The following SRSF11 variants were observed in gnomAD, a reference collection of about 807,000 sequenced individuals.
The protein encoded by SRSF11 is serine/arginine-rich splicing factor 11.
A neutral mutation model predicts 56.0 loss-of-function variants in SRSF11; 9 were observed. That is an observed-to-expected ratio of 0.16 (90% CI 0.10 to 0.28). The LOEUF is 0.28. Among genes scored for constraint, SRSF11 ranks in the 10% least tolerant of loss-of-function variants. The pLI is 1.00. For synonymous variants in SRSF11, 222 were observed against 215.3 expected (o/e 1.03, Z -0.27); for missense variants, 421 against 600.7 (o/e 0.70, Z 3.13).
chr1:70,228,670 C>G, intron 2 of SRSF11, 115 bp downstream of exon 2: 1 of 1,381,710 alleles, frequency 7.2e-7, no homozygotes, highest in Admixed American at 2.8e-5. Context: ...TTTTTAAACC[C>G]TTGTTATACT....
upstream of SRSF11, among the ~76,000 whole-genome samples, chr1:70,220,535 CTG>C (rs1191449557): frequency 6.6e-6 from 1 of 152,136 alleles, no homozygotes; most frequent in Non-Finnish European, 1.5e-5. Context: ...GTACTATAAA[CTG>C]TGTTTCCAAA....
intron 5 of SRSF11, among the ~76,000 whole-genome samples, chr1:70,236,874 G>A (rs1260960669): frequency 7.7e-6 from 1 of 129,640 alleles, no homozygotes; most frequent in Non-Finnish European, 1.5e-5. Context: ...CGCGATGTCT[G>A]CCTCCCGGGT....
intron 9 of SRSF11, among the ~76,000 whole-genome samples, chr1:70,248,125 T>G (rs557333739): frequency 3.9e-5 from 6 of 152,246 alleles, no homozygotes; most frequent in African/African-American, 1.2e-4. Context: ...GTCTGGCATT[T>G]CCTAAAAATG....
chr1:70,250,340 GCTGTACATTTTA>G lies in SRSF11; in HGVS notation c.1119-20_1119-9del, dbSNP rs765354593. ...ATCATCTAAACAAGTTAAACCTGTT[GCTGTACATTTTA>G]CTGTCATTCTAGACATAAAAAGGAG... On this transcript the variant is annotated splice_polypyrimidine_tract_variant and intron_variant, in intron 10 of 11. Coordinates refer to ENST00000370949, the MANE Select transcript of SRSF11 (RefSeq NM_001350605.2). 118 of 1,608,736 alleles carry G rather than the reference GCTGTACATTTTA, an allele frequency of 7.3e-5. No individual in the cohort carries two copies. Among genetic ancestry groups the G allele is most frequent in the Non-Finnish European group, 9.7e-5 (114 of 1,178,640 alleles).
chr1:70,217,987 G>GT (rs1159646825), upstream of SRSF11, among the ~76,000 whole-genome samples: 1 of 145,376 alleles, frequency 6.9e-6, no homozygotes, highest in Non-Finnish European at 1.5e-5. Context: ...TTTTGTGTGT[G>GT]TTTTTTGTTT....
At chr1:70,247,752 A>G (rs943697695) in intron 9 of SRSF11, among the ~76,000 whole-genome samples, 1 of 152,130 alleles carries the variant, frequency 6.6e-6, no homozygotes, top group Non-Finnish European at 1.5e-5. Flanking sequence ...ACTATCAAGA[A>G]AGTAAAAACC....
chr1:70,245,920 A>T (rs565329018), intron 8 of SRSF11, among the ~76,000 whole-genome samples: 63 of 152,276 alleles, frequency 4.1e-4, no homozygotes, highest in African/African-American at 1.5e-3. Flanking sequence ...GGAAGGCATG[A>T]CTGGGACCTA....
At chr1:70,245,490 T>G (rs1457308065) in intron 8 of SRSF11, among the ~76,000 whole-genome samples, 1 of 152,210 alleles carries the variant, frequency 6.6e-6, no homozygotes, top group Non-Finnish European at 1.5e-5. Context: ...ACAAGGTAGA[T>G]TAATAGAACA....
At chr1:70,246,048 G>A (rs1368085240) in intron 8 of SRSF11, among the ~76,000 whole-genome samples, 1 of 152,062 alleles carries the variant, frequency 6.6e-6, no homozygotes, top group Non-Finnish European at 1.5e-5. Flanking sequence ...GGAAAAAAAT[G>A]AAATTGAGAA....
intron 1 of SRSF11, among the ~76,000 whole-genome samples, chr1:70,215,367 C>T (rs1669918668): frequency 6.6e-6 from 1 of 152,190 alleles, no homozygotes. Flanking sequence ...ATTCACAAAG[C>T]CTTTGCTGCA....
At position 70,251,943 on chromosome 1, in the gene SRSF11, T is replaced by C. The variant is rs557468080; in HGVS notation, c.*1138T>C. 1 of 152,746 alleles carries C rather than the reference T, an allele frequency of 6.5e-6. No individual in the cohort carries two copies. The highest frequency in any genetic ancestry group is 6.5e-5 in the Admixed American group (1 of 15,308). The allele number at this position is 152,746 out of a possible 1,614,324, so 9.5% of individuals were successfully genotyped here. A position where few individuals can be genotyped will look rare whatever the true frequency, so the allele number is the denominator to read the frequency against. ...AAAGTAGGCTACAGTCTGTGCCATG[T>C]TGATGTACAGTTTCTGAAATTGTTT... On this transcript the variant is annotated 3_prime_UTR_variant, in exon 12 of 12. Coordinates refer to ENST00000370949, the MANE Select transcript of SRSF11 (RefSeq NM_001350605.2).
intron 3 of SRSF11, among the ~76,000 whole-genome samples, chr1:70,233,664 A>G (rs186525115): frequency 2.6e-4 from 40 of 152,378 alleles, no homozygotes; most frequent in African/African-American, 8.9e-4. Flanking sequence ...TAAATTATAG[A>G]AAGTTTGATA....
intron 2 of SRSF11, chr1:70,231,244 C>T (rs1362690293): frequency 2.5e-6 from 3 of 1,210,212 alleles, no homozygotes; most frequent in Non-Finnish European, 3.1e-6. Context: ...ATATGTATTA[C>T]AGAAATACTA....
intron 1 of SRSF11, among the ~76,000 whole-genome samples, chr1:70,208,501 T>A (rs1669260323): frequency 6.6e-6 from 1 of 152,228 alleles, no homozygotes; most frequent in East Asian, 1.9e-4. Context: ...ACCCAGCTAA[T>A]TTTTTTGTAT....
rs376821404 is a variant in SRSF11, at chr1:70,252,608, AAG to A, written c.*1805_*1806del. Reference sequence around the variant, plus strand: ...AAAAAGAATTGTCTATAGTGAGTAAAAGAAGTTCTAATAATGGTCCTAATCAC... The same window carrying A: ...AAAAAGAATTGTCTATAGTGAGTAAAAAGTTCTAATAATGGTCCTAATCAC... On this transcript the variant is annotated 3_prime_UTR_variant, in exon 12 of 12. Coordinates refer to ENST00000370949, the MANE Select transcript of SRSF11 (RefSeq NM_001350605.2). The A allele has an allele frequency of 1.7e-3, 255 of 152,316 alleles. 1 individual carries two copies. The highest frequency in any genetic ancestry group is 5.6e-3 in the African/African-American group (233 of 41,582). The allele number at this position is 152,316 out of a possible 1,614,324, so 9.4% of individuals were successfully genotyped here. A position where few individuals can be genotyped will look rare whatever the true frequency, so the allele number is the denominator to read the frequency against.
chr1:70,228,887 A>T, intron 2 of SRSF11: 1 of 984,360 alleles, frequency 1.0e-6, no homozygotes, highest in Non-Finnish European at 1.2e-6. Context: ...TAAATGATTC[A>T]CTCCATGTAT....
upstream of SRSF11, among the ~76,000 whole-genome samples, chr1:70,219,871 C>T (rs1179802706): frequency 6.6e-6 from 1 of 152,232 alleles, no homozygotes; most frequent in Non-Finnish European, 1.5e-5. Flanking sequence ...TAATCTCTCA[C>T]ATATTGCATC....
chr1:70,227,821 C>G (rs753040890), intron 1 of SRSF11, among the ~76,000 whole-genome samples: 3 of 152,160 alleles, frequency 2.0e-5, no homozygotes, highest in Non-Finnish European at 4.4e-5. Context: ...TAGTACTACT[C>G]CCATGTGTGC....
intron 1 of SRSF11, among the ~76,000 whole-genome samples, chr1:70,223,897 C>T (rs911582088): frequency 7.9e-5 from 12 of 152,074 alleles, no homozygotes; most frequent in African/African-American, 2.7e-4. Flanking sequence ...GAACAGGTCA[C>T]CTGATTGTAA....
Sources: allele counts gnomAD v4.1 joint callset (sites outside exome capture counted in the v4.1 genomes callset), GRCh38; gene constraint gnomAD v4.1.1; transcripts MANE v1.5; gene names NCBI Gene and HGNC (gene_info 2026-07-23, HGNC 2026-07-21).